AHCTF1: variants seen among roughly 807,000 people sequenced by gnomAD.
AHCTF1 encodes protein ELYS.
AHCTF1 carries 24 observed loss-of-function variants against 248.4 expected under a neutral mutation model. That is an observed-to-expected ratio of 0.10 (90% CI 0.07 to 0.14). The LOEUF is 0.14. AHCTF1 is among the 10% of genes least tolerant of loss of function. The pLI is 1.00. For missense variants in AHCTF1, 2,206 were observed against 2,636.2 expected, an observed-to-expected ratio of 0.84 and a Z score of 3.57; for synonymous variants, 786 against 929.8, an observed-to-expected ratio of 0.85 and a Z score of 2.81.
chr1:246,862,247 G>A, intron 27 of AHCTF1, 94 bp from the exon 28 acceptor site: 2 of 796,004 alleles, frequency 2.5e-6, no homozygotes, highest in Non-Finnish European at 3.8e-6. Flanking sequence ...TTGGGAGGCA[G>A]AGGCAGGCGG....
Position 246,898,621 on chromosome 1 carries a change from A to AACACACACACACAC in AHCTF1, c.1495-299_1495-286dup, listed in dbSNP as rs74163703. 1.2e-3 allele frequency among the ~76,000 whole-genome samples: 172 copies of AACACACACACACAC among 147,086 alleles called. 1 individual carries two copies. Among genetic ancestry groups the AACACACACACACAC allele is most frequent in the African/African-American group, 4.2e-3 (166 of 39,924 alleles). ...GACAGATTTGGTGACATCTTGACAA[A>AACACACACACACAC]ACACACACACACACACACACACACA... On this transcript the variant is annotated intron_variant, in intron 11 of 35. Transcript: ENST00000648844.
rs577654282 is a variant in AHCTF1, at chr1:246,852,494, T to TA, written c.4563+596dup. Among the ~76,000 whole-genome samples, 44 of 151,988 alleles carry TA rather than the reference T, an allele frequency of 2.9e-4. 1 individual carries two copies. In the East Asian group the frequency reaches 5.4e-3, roughly 19 times the overall value. ...ATTTGGTATAATAGAATTTTTTTTTTAAAAAAACTAAGTCTTATTAAGTAG... is the reference window on the plus strand; with the variant it reads ...ATTTGGTATAATAGAATTTTTTTTTTAAAAAAAACTAAGTCTTATTAAGTAG... On this transcript the variant is annotated intron_variant, in intron 32 of 35. Coordinates refer to ENST00000648844, the MANE Select transcript of AHCTF1 (RefSeq NM_001323342.2).
intron 4 of AHCTF1, 55 bp from the exon 5 acceptor site, chr1:246,907,813 C>T (rs1665502334): frequency 7.0e-7 from 1 of 1,420,712 alleles, no homozygotes; most frequent in African/African-American, 1.4e-5. Flanking sequence ...GCATTAAAAG[C>T]AAATATGTCA....
At chr1:246,869,082 G>A (rs1240685120) in intron 24 of AHCTF1, among the ~76,000 whole-genome samples, 1 of 151,230 alleles carries the variant, frequency 6.6e-6, no homozygotes, top group Non-Finnish European at 1.5e-5. Flanking sequence ...CTGACCTCGT[G>A]ATCCGCCCGC....
chr1:246,853,105 T>C lies in AHCTF1; in HGVS notation c.4549A>G (p.Thr1517Ala), dbSNP rs1200220612. The change falls in exon 32 of 36, where the codon ACT (threonine) becomes GCT (alanine). Residue 1517 changes from threonine (T) to alanine (A), a missense_variant. Transcript: ENST00000648844. Reference protein sequence around the residue: ...KLPISDSPPDTQEIHVIEQEK... With the variant: ...KLPISDSPPDAQEIHVIEQEK... ...ATTTTTTTTACATGAATTTCTTGAGTATCAGGAGGGCTGTCAGAAATTGGA... is the reference window on the plus strand; with the variant it reads ...ATTTTTTTTACATGAATTTCTTGAGCATCAGGAGGGCTGTCAGAAATTGGA... 1 of 1,606,680 alleles carries C rather than the reference T, an allele frequency of 6.2e-7. No homozygotes were observed. The highest frequency in any genetic ancestry group is 8.5e-7 in the Non-Finnish European group (1 of 1,177,670).
intron 24 of AHCTF1, among the ~76,000 whole-genome samples, chr1:246,875,077 C>T (rs1251732621): frequency 6.6e-6 from 1 of 152,182 alleles, no homozygotes; most frequent in East Asian, 1.9e-4. Flanking sequence ...CTTTCTTTAC[C>T]ACCATACTGA....
chr1:246,910,839 C>A (rs1194116253), intron 4 of AHCTF1, among the ~76,000 whole-genome samples: 1 of 152,138 alleles, frequency 6.6e-6, no homozygotes, highest in African/African-American at 2.4e-5. Context: ...TACAAATTTA[C>A]TCAAAAGAAA....
intron 24 of AHCTF1, among the ~76,000 whole-genome samples, chr1:246,875,153 A>G (rs993979129): frequency 1.3e-5 from 2 of 152,186 alleles, no homozygotes; most frequent in African/African-American, 4.8e-5. Context: ...CTGACATAGT[A>G]ACTAAGTCTA....
At chr1:246,926,891 T>G (rs1040939901) in intron 1 of AHCTF1, among the ~76,000 whole-genome samples, 1 of 145,886 alleles carries the variant, frequency 6.9e-6, no homozygotes, top group Non-Finnish European at 1.5e-5. Flanking sequence ...CAAAAGTGTA[T>G]GGCCGGGCCG....
chr1:246,922,690 T>C (rs1044357269), intron 1 of AHCTF1, among the ~76,000 whole-genome samples: 8 of 149,426 alleles, frequency 5.4e-5, no homozygotes, highest in Non-Finnish European at 7.4e-5. Context: ...CACCTATCAA[T>C]AGTATCAATA....
intron 24 of AHCTF1, among the ~76,000 whole-genome samples, chr1:246,869,010 A>T (rs1175396565): frequency 6.6e-6 from 1 of 151,166 alleles, no homozygotes; most frequent in African/African-American, 2.4e-5. Context: ...ATGCCTGGCT[A>T]ACTTTTTCTA....
intron 34 of AHCTF1, among the ~76,000 whole-genome samples, chr1:246,843,058 A>C (rs1042429372): frequency 4.6e-5 from 7 of 151,788 alleles, no homozygotes; most frequent in Non-Finnish European, 8.8e-5. Flanking sequence ...CTTTGTCCAG[A>C]TCCAGGCTCT....
At chr1:246,885,429 CTCA>C in intron 21 of AHCTF1, 61 bp downstream of exon 21, 1 of 1,375,980 alleles carries the variant, frequency 7.3e-7, no homozygotes, top group South Asian at 1.5e-5. Context: ...CACTGTCTAT[CTCA>C]TCAATTCCAT....
At chr1:246,878,654 A>G (rs1245731612) in intron 21 of AHCTF1, among the ~76,000 whole-genome samples, 1 of 152,206 alleles carries the variant, frequency 6.6e-6, no homozygotes, top group Non-Finnish European at 1.5e-5. Flanking sequence ...GAGGCTGACA[A>G]CTTCCAAGGC....
chr1:246,868,839 G>GTGT (rs1558231131), intron 24 of AHCTF1, among the ~76,000 whole-genome samples: 1 of 113,778 alleles, frequency 8.8e-6, no homozygotes, highest in East Asian at 2.5e-4. Context: ...TTGTGTGTGT[G>GTGT]TTTTTTGTTT....
chr1:246,921,009 T>C lies in AHCTF1; in HGVS notation c.-7-2632A>G, dbSNP rs191686839. Among the ~76,000 whole-genome samples, 451 of 143,138 alleles carry C rather than the reference T, an allele frequency of 3.2e-3. 3 individuals are homozygous for C. The highest frequency in any genetic ancestry group is 2.0e-3 in the Non-Finnish European group (136 of 67,586). The allele number at this position is 143,138 out of a possible 152,430, so 93.9% of individuals were successfully genotyped here. Reference sequence around the variant, plus strand: ...CAGGAGGCTGAGGCAGGAGAATCGCTTGAACCTGGGAGAAGGAGGTTGCAG... The same window carrying C: ...CAGGAGGCTGAGGCAGGAGAATCGCCTGAACCTGGGAGAAGGAGGTTGCAG... On this transcript the variant is annotated intron_variant, in intron 1 of 35. Coordinates refer to ENST00000648844, the MANE Select transcript of AHCTF1 (RefSeq NM_001323342.2).
intron 1 of AHCTF1, among the ~76,000 whole-genome samples, chr1:246,924,230 A>G (rs1384461602): frequency 6.6e-6 from 1 of 152,236 alleles, no homozygotes; most frequent in Non-Finnish European, 1.5e-5. Flanking sequence ...AAATATTTAC[A>G]TTAAAAGAAC....
In AHCTF1 at chr1:246,907,815, A is replaced by G. The variant is rs185088223; in HGVS notation, c.557-57T>C. The G allele has an allele frequency of 9.8e-5, 139 of 1,422,398 alleles. 1 individual carries two copies. The East Asian group carries it at 3.2e-3, about 33-fold the overall frequency. The allele number at this position is 1,422,398 out of a possible 1,614,324, so 88.1% of individuals were successfully genotyped here. A position where few individuals can be genotyped will look rare whatever the true frequency, so the allele number is the denominator to read the frequency against. On this transcript the variant is annotated intron_variant, in intron 4 of 35. Coordinates refer to ENST00000648844, the MANE Select transcript of AHCTF1 (RefSeq NM_001323342.2). ...AAAACTAGAAACAGCATTAAAAGCA[A>G]ATATGTCATCCATTATTCAAGCTGC... is the stretch of plus-strand genomic sequence containing the variant.
chr1:246,852,229 T>C (rs1374964745), intron 32 of AHCTF1, among the ~76,000 whole-genome samples: 1 of 152,140 alleles, frequency 6.6e-6, no homozygotes, highest in Admixed American at 6.6e-5. Context: ...ACAACTCTTA[T>C]TAGCTTCCCA....
Sources: gnomAD v4.1 joint callset for allele counts (sites outside exome capture counted in the v4.1 genomes callset) on GRCh38, gnomAD v4.1.1 for gene constraint, MANE v1.5 for transcripts, NCBI Gene and HGNC (gene_info 2026-07-23, HGNC 2026-07-21) for gene names.